Variants in PRELID2 observed in about 807,000 individuals in gnomAD.
The protein encoded by PRELID2 is PRELI domain-containing protein 2.
PRELID2 carries 25 observed loss-of-function variants against 28.4 expected under a neutral mutation model. That is an observed-to-expected ratio of 0.88 (90% CI 0.64 to 1.23). The LOEUF is 1.23. PRELID2 is among the 50% of genes most tolerant of loss of function. The probability of loss-of-function intolerance (pLI) is 0.00; values close to 1 mark genes in which losing one functional copy is unlikely to be tolerated. For synonymous variants in PRELID2, 76 were observed against 71.6 expected (o/e 1.06, Z -0.31); for missense variants, 201 against 214.4 (o/e 0.94, Z 0.39).
chr5:145,336,413 C>G, the PRELID2 span, among the ~76,000 whole-genome samples: 1 of 151,288 alleles, frequency 6.6e-6, no homozygotes, highest in Non-Finnish European at 1.5e-5. Context: ...TTAGGTCTAA[C>G]GTTTAAGTCT....
intron 1 of PRELID2, among the ~76,000 whole-genome samples, chr5:145,690,324 A>C (rs1755122414): frequency 6.6e-6 from 1 of 152,168 alleles, no homozygotes; most frequent in Non-Finnish European, 1.5e-5. Context: ...CTTCATGCTT[A>C]GGGTGAAGTT....
the PRELID2 span, among the ~76,000 whole-genome samples, chr5:145,239,692 C>A: frequency 6.6e-6 from 1 of 151,966 alleles, no homozygotes; most frequent in Non-Finnish European, 1.5e-5. Flanking sequence ...AGTAAGTTAT[C>A]CATGGAGATA....
At chr5:145,569,219 C>G (rs1007271292) in intron 1 of PRELID2, among the ~76,000 whole-genome samples, 1 of 152,102 alleles carries the variant, frequency 6.6e-6, no homozygotes, top group African/African-American at 2.4e-5. Flanking sequence ...ATCAAAGTGT[C>G]TCAAATGTTC....
intron 1 of PRELID2, among the ~76,000 whole-genome samples, chr5:145,657,336 G>A (rs996804402): frequency 1.2e-4 from 18 of 152,140 alleles, no homozygotes; most frequent in African/African-American, 4.1e-4. Flanking sequence ...AAATAGGCAT[G>A]CTCAGATGTG....
the PRELID2 span, among the ~76,000 whole-genome samples, chr5:145,370,490 T>A: frequency 6.6e-6 from 1 of 152,122 alleles, no homozygotes; most frequent in Non-Finnish European, 1.5e-5. Flanking sequence ...TATGTCTGCT[T>A]TGGTACCAGT....
intron 1 of PRELID2, among the ~76,000 whole-genome samples, chr5:145,673,283 A>G (rs574931010): frequency 6.6e-6 from 1 of 152,304 alleles, no homozygotes; most frequent in Non-Finnish European, 1.5e-5. Context: ...ATGATATCCC[A>G]TCAGCATCAA....
chr5:145,735,137 C>T (rs1184350754), intron 1 of PRELID2, among the ~76,000 whole-genome samples: 2 of 150,866 alleles, frequency 1.3e-5, no homozygotes. Flanking sequence ...CCCACCTATT[C>T]GGGAGGCTGA....
At chr5:145,460,303 T>C in the PRELID2 span, among the ~76,000 whole-genome samples, 1 of 152,212 alleles carries the variant, frequency 6.6e-6, no homozygotes, top group Non-Finnish European at 1.5e-5. Context: ...GCACACCATC[T>C]TATTACAGCA....
At chr5:145,669,340 G>A (rs1754658572) in intron 1 of PRELID2, among the ~76,000 whole-genome samples, 1 of 152,056 alleles carries the variant, frequency 6.6e-6, no homozygotes, top group South Asian at 2.1e-4. Context: ...GTCCAAAGTA[G>A]GTGTTCTTAA....
At chr5:145,645,087 G>A (rs541580282) in intron 1 of PRELID2, among the ~76,000 whole-genome samples, 24 of 152,158 alleles carry the variant, frequency 1.6e-4, no homozygotes, top group South Asian at 8.3e-4. Context: ...TTTCTGTCTC[G>A]TTGATCTGTC....
At chr5:145,685,604 T>C (rs1471562831) in intron 1 of PRELID2, among the ~76,000 whole-genome samples, 5 of 152,250 alleles carry the variant, frequency 3.3e-5, no homozygotes, top group Non-Finnish European at 7.4e-5. Flanking sequence ...CCCACATCTG[T>C]TTCAGGAGTG....
chr5:145,792,104 C>T (rs947374254), intron 5 of PRELID2, among the ~76,000 whole-genome samples: 2 of 152,104 alleles, frequency 1.3e-5, no homozygotes, highest in Non-Finnish European at 2.9e-5. Context: ...CACATCGCCT[C>T]ACTCTGGTTA....
At chr5:145,308,032 G>A in the PRELID2 span, among the ~76,000 whole-genome samples, 2,781 of 152,242 alleles carry the variant, frequency 0.018, 75 homozygotes, top group African/African-American at 0.061. Context: ...CACAGTGAAA[G>A]AAGGAATCAT....
intron 1 of PRELID2, among the ~76,000 whole-genome samples, chr5:145,639,508 T>C (rs886832527): frequency 6.6e-6 from 1 of 152,178 alleles, no homozygotes; most frequent in African/African-American, 2.4e-5. Flanking sequence ...AGCATTGAAA[T>C]AATTACTTTG....
intron 1 of PRELID2, among the ~76,000 whole-genome samples, chr5:145,740,080 T>A (rs1756613503): frequency 6.6e-6 from 1 of 150,444 alleles, no homozygotes; most frequent in Admixed American, 6.6e-5. Context: ...CATATGCTAT[T>A]AACAAGAAAC....
chr5:145,543,018 G>T (rs894345867), intron 1 of PRELID2, among the ~76,000 whole-genome samples: 2 of 151,972 alleles, frequency 1.3e-5, no homozygotes, highest in Admixed American at 6.6e-5. Context: ...TTTTCTTCCT[G>T]CTCTTTGCTT....
chr5:145,540,222 C>T (rs1194930002), intron 1 of PRELID2, among the ~76,000 whole-genome samples: 1 of 151,824 alleles, frequency 6.6e-6, no homozygotes, highest in African/African-American at 2.4e-5. Context: ...ATAGTCTATT[C>T]AACTGAATTT....
At chr5:145,272,071 T>C in the PRELID2 span, among the ~76,000 whole-genome samples, 1 of 145,002 alleles carries the variant, frequency 6.9e-6, no homozygotes, top group Non-Finnish European at 1.5e-5. Context: ...GGAGACATAT[T>C]GGATGGCAAC....
intron 4 of PRELID2, 29 bp from the exon 5 acceptor site, chr5:145,796,576 G>A (rs1262733130): frequency 7.0e-7 from 1 of 1,424,722 alleles, no homozygotes; most frequent in Admixed American, 1.8e-5. Context: ...ACACATCTTT[G>A]ATGTCATTCT....
Sources: allele counts gnomAD v4.1 joint callset (sites outside exome capture counted in the v4.1 genomes callset), GRCh38; gene constraint gnomAD v4.1.1; transcripts MANE v1.5; gene names NCBI Gene and HGNC (gene_info 2026-07-23, HGNC 2026-07-21).